Variants in ANKIB1 observed in about 807,000 individuals in gnomAD.
The protein encoded by ANKIB1 is ankyrin repeat and IBR domain containing 1.
ANKIB1 carries 43 observed loss-of-function variants against 122.1 expected under a neutral mutation model. The observed-to-expected ratio is 0.35, with a 90% confidence interval of 0.28 to 0.45. The LOEUF (loss-of-function observed/expected upper bound fraction) is 0.45. ANKIB1 is among the 20% of genes least tolerant of loss of function. The pLI is 1.00. For synonymous variants in ANKIB1, 390 were observed against 442.0 expected, an observed-to-expected ratio of 0.88 and a Z score of 1.48; for missense variants, 992 against 1,329.5, an observed-to-expected ratio of 0.75 and a Z score of 3.95.
At chr7:92,303,907 G>A (rs948057809) in intron 2 of ANKIB1, among the ~76,000 whole-genome samples, 3 of 152,092 alleles carry the variant, frequency 2.0e-5, no homozygotes, top group Admixed American at 1.3e-4. Context: ...GGCTGCTTAA[G>A]AATTAACAGT....
rs763982249 is a variant in ANKIB1, at chr7:92,398,603, C to T, written c.2924C>T (p.Ala975Val). Reference protein sequence around the residue: ...INDNLLGNIMAWFHDMNPQSI... With the variant: ...INDNLLGNIMVWFHDMNPQSI... ...GACAATCTTCTCGGCAACATCATGGCTTGGTTTCATGACATGAACCCTCAG... is the reference window on the plus strand; with the variant it reads ...GACAATCTTCTCGGCAACATCATGGTTTGGTTTCATGACATGAACCCTCAG... The change falls in exon 20 of 20, where the codon GCT becomes GTT. Residue 975 changes from alanine (A) to valine (V), a missense_variant. Physicochemically the swap from Ala to Val is moderately conservative, Grantham distance 64. Coordinates refer to ENST00000265742, the MANE Select transcript of ANKIB1 (RefSeq NM_019004.2). 8.1e-6 allele frequency: 13 copies of T among 1,613,888 alleles called. No homozygotes were observed. The highest frequency in any genetic ancestry group is 1.1e-5 in the Non-Finnish European group (13 of 1,179,892).
intron 1 of ANKIB1, among the ~76,000 whole-genome samples, chr7:92,288,199 A>G (rs1003931972): frequency 1.8e-4 from 27 of 152,198 alleles, no homozygotes; most frequent in African/African-American, 6.0e-4. Flanking sequence ...TTGTATTTCT[A>G]TATTCTAGAT....
intron 10 of ANKIB1, among the ~76,000 whole-genome samples, chr7:92,367,833 TA>T (rs1804128073): frequency 6.6e-6 from 1 of 152,188 alleles, no homozygotes; most frequent in Non-Finnish European, 1.5e-5. Context: ...ACATACTCAA[TA>T]AACTGAGTTC....
At chr7:92,258,766 T>A (rs562074693) in intron 1 of ANKIB1, among the ~76,000 whole-genome samples, 1 of 152,068 alleles carries the variant, frequency 6.6e-6, no homozygotes, top group Non-Finnish European at 1.5e-5. Context: ...ATTTGCAGGA[T>A]GGGTTGGAAT....
At chr7:92,335,488 T>C (rs1269823541) in intron 5 of ANKIB1, among the ~76,000 whole-genome samples, 1 of 151,970 alleles carries the variant, frequency 6.6e-6, no homozygotes, top group African/African-American at 2.4e-5. Context: ...AAAATTTCTA[T>C]TTATGAATGT....
At chr7:92,372,781 C>T (rs1056336025) in intron 11 of ANKIB1, among the ~76,000 whole-genome samples, 3 of 151,842 alleles carry the variant, frequency 2.0e-5, no homozygotes, top group Non-Finnish European at 4.4e-5. Context: ...CATTTATGAA[C>T]CTTTTTTGGT....
At chr7:92,288,159 G>T (rs1388553655) in intron 1 of ANKIB1, among the ~76,000 whole-genome samples, 1 of 150,814 alleles carries the variant, frequency 6.6e-6, no homozygotes, top group African/African-American at 2.4e-5. Flanking sequence ...TATCACATTT[G>T]CAGAATACAG....
intron 2 of ANKIB1, among the ~76,000 whole-genome samples, chr7:92,302,201 T>C (rs1004812741): frequency 1.4e-4 from 22 of 152,180 alleles, no homozygotes; most frequent in Non-Finnish European, 1.5e-5. Flanking sequence ...CCCAAAGTGT[T>C]GGGATTACAG....
At chr7:92,390,610 T>A (rs1302499567) in intron 15 of ANKIB1, among the ~76,000 whole-genome samples, 1 of 152,232 alleles carries the variant, frequency 6.6e-6, no homozygotes, top group African/African-American at 2.4e-5. Flanking sequence ...TTGAAGCCAC[T>A]AAACTTTCTC....
At chr7:92,273,132 T>C (rs925518171) in intron 1 of ANKIB1, among the ~76,000 whole-genome samples, 1 of 152,174 alleles carries the variant, frequency 6.6e-6, no homozygotes, top group Non-Finnish European at 1.5e-5. Flanking sequence ...CAGTTATCAA[T>C]TCCAGGAAAG....
intron 1 of ANKIB1, among the ~76,000 whole-genome samples, chr7:92,274,014 C>T (rs1454004796): frequency 6.6e-6 from 1 of 151,936 alleles, no homozygotes; most frequent in Non-Finnish European, 1.5e-5. Context: ...CTCAAGCAGT[C>T]CTCCCACCTC....
rs962501664 is a variant in ANKIB1 at position 92,396,176 on chromosome 7, A to C, written c.2284-189A>C. 32 of 573,648 alleles carry C rather than the reference A, an allele frequency of 5.6e-5. No individual in the cohort carries two copies. The African/African-American group carries it at 5.6e-4, about 10-fold the overall frequency. 35.5% of individuals were successfully genotyped at this position (573,648 alleles called of 1,614,324 possible). On this transcript the variant is annotated intron_variant, in intron 17 of 19. Transcript: ENST00000265742. ...CTAGGCAATTGTAATGACTGTTGAA[A>C]ACTTTCTTTTTCCATTTTACCTTTT...
chr7:92,352,690 T>C, intron 9 of ANKIB1, 48 bp downstream of exon 9: 1 of 1,550,332 alleles, frequency 6.5e-7, no homozygotes, highest in Non-Finnish European at 8.7e-7. Flanking sequence ...TTCTTTCCAA[T>C]AGTTATTAAA....
intron 19 of ANKIB1, 70 bp from the exon 20 acceptor site, chr7:92,398,142 T>C: frequency 5.5e-6 from 8 of 1,461,494 alleles, no homozygotes; most frequent in Non-Finnish European, 7.3e-6. Context: ...GGAAGAATGG[T>C]AAACCTGATT....
intron 11 of ANKIB1, among the ~76,000 whole-genome samples, chr7:92,382,885 A>G (rs1165455925): frequency 1.3e-5 from 2 of 152,214 alleles, no homozygotes; most frequent in Non-Finnish European, 2.9e-5. Flanking sequence ...GAAATAACTA[A>G]GGTCAGAGCA....
Position 92,398,594 on chromosome 7 carries a change from ACAT to A in ANKIB1, c.2919_2921del (p.Ile973del). ...AACATCAATGACAATCTTCTCGGCA[ACAT>A]CATGGCTTGGTTTCATGACATGAAC... On this transcript the variant is annotated inframe_deletion, in exon 20 of 20. Transcript: ENST00000265742. The A allele has an allele frequency of 1.2e-6, 2 of 1,614,012 alleles. No individual in the cohort carries two copies. The highest frequency in any genetic ancestry group is 1.7e-6 in the Non-Finnish European group (2 of 1,179,878).
At chr7:92,251,531 A>T (rs1179839024) in intron 1 of ANKIB1, among the ~76,000 whole-genome samples, 3 of 152,156 alleles carry the variant, frequency 2.0e-5, no homozygotes, top group African/African-American at 7.2e-5. Flanking sequence ...TTTAAAGAAA[A>T]AATGCCAGAA....
chr7:92,365,464 T>C (rs922394123), intron 10 of ANKIB1, among the ~76,000 whole-genome samples: 3 of 152,220 alleles, frequency 2.0e-5, no homozygotes, highest in African/African-American at 7.2e-5. Flanking sequence ...ACAATCACTT[T>C]AGTGATGCAT....
At chr7:92,289,676 G>A (rs1030732818) in intron 1 of ANKIB1, among the ~76,000 whole-genome samples, 10 of 152,164 alleles carry the variant, frequency 6.6e-5, no homozygotes, top group African/African-American at 2.4e-4. Context: ...CTGATGCACA[G>A]GGACAAAATT....
Sources: allele counts gnomAD v4.1 joint callset (sites outside exome capture counted in the v4.1 genomes callset), GRCh38; gene constraint gnomAD v4.1.1; transcripts MANE v1.5; gene names NCBI Gene and HGNC (gene_info 2026-07-23, HGNC 2026-07-21).